The following CELF2 variants were observed in gnomAD, a reference collection of about 807,000 sequenced individuals.
CELF2 encodes the protein CUG triplet repeat RNA-binding protein 2.
A neutral mutation model predicts 62.6 loss-of-function variants in CELF2; 8 were observed. The observed-to-expected ratio is 0.13, with a 90% confidence interval of 0.07 to 0.23. The LOEUF (loss-of-function observed/expected upper bound fraction) is 0.23. CELF2 is among the 10% of genes least tolerant of loss of function. The pLI, the probability that CELF2 is intolerant of heterozygous loss-of-function variation, is 1.00. For missense variants in CELF2, 333 were observed against 671.0 expected (o/e 0.50, Z 5.56); for synonymous variants, 258 against 250.0 (o/e 1.03, Z -0.30).
At chr10:10,495,833 A>T in the CELF2 span, among the ~76,000 whole-genome samples, 3 of 152,306 alleles carry the variant, frequency 2.0e-5, no homozygotes, top group South Asian at 6.2e-4. Flanking sequence ...ATACTCTCTG[A>T]GGACTGTACG....
chr10:10,742,974 C>T, the CELF2 span, among the ~76,000 whole-genome samples: 1 of 152,250 alleles, frequency 6.6e-6, no homozygotes, highest in South Asian at 2.1e-4. Flanking sequence ...GCATTTCTGT[C>T]TTTGCTTTCC....
chr10:10,776,398 C>T, the CELF2 span: 1 of 154,040 alleles, frequency 6.5e-6, no homozygotes, highest in African/African-American at 2.4e-5. Flanking sequence ...GTAAACGGTA[C>T]TCCGTCACCC....
chr10:11,089,090 C>T (rs1378858774), intron 1 of CELF2, among the ~76,000 whole-genome samples: 8 of 152,168 alleles, frequency 5.3e-5, no homozygotes, highest in Non-Finnish European at 8.8e-5. Flanking sequence ...TGAACAGTGC[C>T]ACTTCTGCCA....
chr10:11,116,107 A>G (rs1017815399), intron 1 of CELF2, among the ~76,000 whole-genome samples: 2 of 152,208 alleles, frequency 1.3e-5, no homozygotes, highest in Non-Finnish European at 2.9e-5. Context: ...TCTCGATAAA[A>G]TCCTTTTAAT....
chr10:11,204,586 G>C (rs1022321639), intron 2 of CELF2, among the ~76,000 whole-genome samples: 1 of 152,250 alleles, frequency 6.6e-6, no homozygotes, highest in African/African-American at 2.4e-5. Flanking sequence ...AGAGGTAGCA[G>C]CCACCCGCAG....
the CELF2 span, among the ~76,000 whole-genome samples, chr10:10,595,639 AG>A: frequency 2.6e-5 from 4 of 152,200 alleles, no homozygotes; most frequent in East Asian, 5.8e-4. Flanking sequence ...GGGACCCAGA[AG>A]TGACTACACT....
chr10:10,982,596 A>G (rs201099), intron 2 of CELF2, among the ~76,000 whole-genome samples: 44,687 of 152,136 alleles, frequency 0.29, 11,534 homozygotes, highest in African/African-American at 0.7. Context: ...AGAGCTGCTC[A>G]TCAGATCCCA....
At chr10:11,288,374 G>A (rs970457295) in intron 8 of CELF2, 44 bp from the exon 9 acceptor site, 1 of 1,608,424 alleles carries the variant, frequency 6.2e-7, no homozygotes, top group Non-Finnish European at 8.5e-7. Flanking sequence ...AACTGTAGAA[G>A]TGTGAGGCCT....
At chr10:11,014,281 T>C (rs2056919243), upstream of CELF2, among the ~76,000 whole-genome samples, 1 of 152,234 alleles carries the variant, frequency 6.6e-6, no homozygotes, top group East Asian at 1.9e-4. Flanking sequence ...AGCACATCTT[T>C]GTTCTGTAGT....
At chr10:11,127,499 C>T (rs975576327) in intron 1 of CELF2, among the ~76,000 whole-genome samples, 1 of 152,220 alleles carries the variant, frequency 6.6e-6, no homozygotes, top group African/African-American at 2.4e-5. Flanking sequence ...AACTAATTTA[C>T]ACTCCTGCCA....
At position 10,820,500 on chromosome 10, in the gene CELF2, T is replaced by C. The variant is rs183792854; in HGVS notation, c.53+21683T>C. Among the ~76,000 whole-genome samples the C allele has an allele frequency of 4.4e-3, 675 of 152,322 alleles. 4 individuals carry two copies. The highest frequency in any genetic ancestry group is 0.016 in the African/African-American group (649 of 41,568). ...TAATATGTGCCAGGAGGAGAATTCA[T>C]TGGTGAGTATAAACAGACATGGCCC... On this transcript the variant is annotated intron_variant, in intron 1 of 13. Coordinates refer to the CELF2 transcript ENST00000636488.
intron 1 of CELF2, among the ~76,000 whole-genome samples, chr10:10,867,480 T>G (rs2060462834): frequency 6.6e-6 from 1 of 152,220 alleles, no homozygotes; most frequent in Non-Finnish European, 1.5e-5. Context: ...ATATTCTGTT[T>G]TTGGAGCACA....
intron 2 of CELF2, among the ~76,000 whole-genome samples, chr10:11,198,554 A>G (rs1158519122): frequency 6.6e-6 from 1 of 152,206 alleles, no homozygotes; most frequent in Non-Finnish European, 1.5e-5. Context: ...GAAAATAAGG[A>G]TATTGATGCT....
chr10:10,864,994 T>G (rs2060268569), intron 1 of CELF2, among the ~76,000 whole-genome samples: 2 of 152,220 alleles, frequency 1.3e-5, no homozygotes, highest in South Asian at 2.1e-4. Flanking sequence ...TGGTGTGGTG[T>G]TGTTTGGATG....
the CELF2 span, among the ~76,000 whole-genome samples, chr10:10,707,817 G>A: frequency 9.2e-5 from 14 of 152,108 alleles, no homozygotes; most frequent in Admixed American, 2.0e-4. Flanking sequence ...TGGATTATTC[G>A]TTTAAATCAA....
rs897053280 is a variant in CELF2 at position 11,280,687 on chromosome 10, G to T, written c.841+5567G>T. ...ATCGGTAGGTGCAGGGATGTCCATG[G>T]GGCAGGATGGACAGAGGACACATGG... On this transcript the variant is annotated intron_variant, in intron 8 of 12. Transcript: ENST00000633077. The surrounding 1 kb of genome is among the most constrained non-coding windows in gnomAD (Gnocchi z 7.6). 2.6e-5 allele frequency among the ~76,000 whole-genome samples: 4 copies of T among 152,208 alleles called. No individual in the cohort carries two copies. Among genetic ancestry groups the T allele is most frequent in the Non-Finnish European group, 5.9e-5 (4 of 68,024 alleles).
intron 10 of CELF2, among the ~76,000 whole-genome samples, chr10:11,320,263 G>A (rs529587678): frequency 6.6e-6 from 1 of 152,152 alleles, no homozygotes. Context: ...GAGCAGTCAG[G>A]ATACAAGGGG....
chr10:11,041,794 G>A (rs1170845696), intron 1 of CELF2, among the ~76,000 whole-genome samples: 1 of 152,110 alleles, frequency 6.6e-6, no homozygotes, highest in Non-Finnish European at 1.5e-5. Context: ...AATCTATCAT[G>A]GAGAGTTTAC....
upstream of CELF2, chr10:10,798,393 G>C (rs957590386): frequency 1.6e-5 from 3 of 191,178 alleles, no homozygotes; most frequent in Non-Finnish European, 3.2e-5. Flanking sequence ...TGCTGGTAAA[G>C]TCCAGAGGCT....
Sources: gnomAD v4.1 joint callset for allele counts (sites outside exome capture counted in the v4.1 genomes callset) on GRCh38, gnomAD v4.1.1 for gene constraint, Gnocchi (gnomAD v3.1) non-coding constraint, MANE v1.5 for transcripts, NCBI Gene and HGNC (gene_info 2026-07-23, HGNC 2026-07-21) for gene names.